Variants in PDZD2 observed in about 807,000 individuals in gnomAD.
PDZD2 encodes PDZ domain containing 2, also known as PDZ domain-containing protein 2.
A neutral mutation model predicts 220.7 loss-of-function variants in PDZD2; 90 were observed. That is an observed-to-expected ratio of 0.41 (90% CI 0.34 to 0.49). PDZD2 has a LOEUF of 0.49. PDZD2 is among the 20% of genes least tolerant of loss of function. PDZD2 has a pLI of 0.28. For synonymous variants in PDZD2, 1,375 were observed against 1,450.5 expected (o/e 0.95, Z 1.18); for missense variants, 3,174 against 3,608.5 (o/e 0.88, Z 3.08).
chr5:31,807,714 C>G (rs564137487), intron 2 of PDZD2, among the ~76,000 whole-genome samples: 2 of 152,232 alleles, frequency 1.3e-5, no homozygotes, highest in East Asian at 3.9e-4. Context: ...GGTCCCGGAG[C>G]CTGCAGGGCC....
chr5:32,006,353 A>AT (rs71912250), intron 5 of PDZD2, among the ~76,000 whole-genome samples: 85,285 of 134,130 alleles, frequency 0.64, 30,453 homozygotes, highest in Non-Finnish European at 0.8. Flanking sequence ...AGGAAGTACA[A>AT]TTTTTTTTTT....
chr5:31,995,365 A>G (rs1284671635), intron 3 of PDZD2, among the ~76,000 whole-genome samples: 2 of 152,230 alleles, frequency 1.3e-5, no homozygotes, highest in Non-Finnish European at 2.9e-5. Context: ...GCTCAAATAT[A>G]GAACATTTCC....
intron 1 of PDZD2, among the ~76,000 whole-genome samples, chr5:31,722,844 A>G (rs1332816686): frequency 6.6e-6 from 1 of 152,054 alleles, no homozygotes; most frequent in Non-Finnish European, 1.5e-5. Flanking sequence ...GCCCACCACC[A>G]CACCTGGCTA....
At chr5:31,857,866 A>C (rs545992030) in intron 2 of PDZD2, among the ~76,000 whole-genome samples, 1 of 152,020 alleles carries the variant, frequency 6.6e-6, no homozygotes, top group Non-Finnish European at 1.5e-5. Flanking sequence ...TCTCGTTGTC[A>C]CCCAGGCTGG....
At chr5:31,839,348 G>T (rs1398558847) in intron 2 of PDZD2, among the ~76,000 whole-genome samples, 7 of 152,036 alleles carry the variant, frequency 4.6e-5, no homozygotes, top group Non-Finnish European at 1.0e-4. Flanking sequence ...AAAGGAGTTT[G>T]CACATAAGTT....
At chr5:31,825,994 C>T (rs372553265) in intron 2 of PDZD2, among the ~76,000 whole-genome samples, 1 of 151,886 alleles carries the variant, frequency 6.6e-6, no homozygotes, top group East Asian at 1.9e-4. Context: ...GCTCCTGATG[C>T]GAACCAGTTC....
At chr5:31,736,205 A>G (rs879428246) in intron 1 of PDZD2, among the ~76,000 whole-genome samples, 6 of 152,254 alleles carry the variant, frequency 3.9e-5, no homozygotes, top group Admixed American at 3.3e-4. Flanking sequence ...AACATAAAAA[A>G]GAATATCATT....
intron 1 of PDZD2, among the ~76,000 whole-genome samples, chr5:31,723,907 C>G (rs370975140): frequency 6.6e-6 from 1 of 151,988 alleles, no homozygotes; most frequent in East Asian, 1.9e-4. Flanking sequence ...TGTTAGCCAC[C>G]GTGCCCAGCC....
At chr5:31,756,712 G>A (rs758276386) in intron 1 of PDZD2, among the ~76,000 whole-genome samples, 4 of 152,338 alleles carry the variant, frequency 2.6e-5, no homozygotes, top group South Asian at 2.1e-4. Flanking sequence ...TGGTCTGGGC[G>A]ACACTGTGCT....
intron 2 of PDZD2, among the ~76,000 whole-genome samples, chr5:31,937,291 T>A (rs186761054): frequency 2.0e-5 from 3 of 152,222 alleles, no homozygotes; most frequent in African/African-American, 7.2e-5. Context: ...TGGGCTAACA[T>A]GGAGGAGGTT....
intron 1 of PDZD2, among the ~76,000 whole-genome samples, chr5:31,707,534 A>G (rs1199238642): frequency 6.6e-6 from 1 of 152,168 alleles, no homozygotes; most frequent in Non-Finnish European, 1.5e-5. Context: ...AATTTCTGCA[A>G]CAAGTCACCC....
At chr5:31,691,400 T>A (rs1478241608) in intron 1 of PDZD2, among the ~76,000 whole-genome samples, 1 of 136,728 alleles carries the variant, frequency 7.3e-6, no homozygotes, top group East Asian at 1.9e-4. Flanking sequence ...AGAACAAAGC[T>A]CCCGTAGAGT....
chr5:31,845,174 G>A (rs1409122305), intron 2 of PDZD2, among the ~76,000 whole-genome samples: 1 of 152,174 alleles, frequency 6.6e-6, no homozygotes, highest in African/African-American at 2.4e-5. Flanking sequence ...GGGGAAGGGT[G>A]TGTAAAATAC....
intron 21 of PDZD2, among the ~76,000 whole-genome samples, 153 bp downstream of exon 21, chr5:32,093,177 T>TTGGCCTCACGTGC (rs1249737750): frequency 1.1e-4 from 17 of 152,292 alleles, no homozygotes; most frequent in African/African-American, 4.1e-4. Flanking sequence ...CAGTCTGACT[T>TTGGCCTCACGTGC]TGGCCTCACG....
chr5:31,881,324 ATATGTGTG>A (rs1251226831), intron 2 of PDZD2, among the ~76,000 whole-genome samples: 31 of 118,556 alleles, frequency 2.6e-4, no homozygotes, highest in African/African-American at 4.3e-4. Flanking sequence ...ATTTCCATAT[ATATGTGTG>A]TGTGTGTGTG....
At chr5:31,714,923 G>A (rs1580608688) in intron 1 of PDZD2, among the ~76,000 whole-genome samples, 1 of 152,120 alleles carries the variant, frequency 6.6e-6, no homozygotes, top group East Asian at 1.9e-4. Context: ...GCCAGGAGTG[G>A]TGGTGGGCGC....
At chr5:32,096,522 T>A (rs567733360) in intron 21 of PDZD2, among the ~76,000 whole-genome samples, 146 of 152,320 alleles carry the variant, frequency 9.6e-4, no homozygotes, top group African/African-American at 3.5e-3. Context: ...TTTCGCCATG[T>A]TGACTAGGCT....
At chr5:32,080,503 G>C (rs577778056) in intron 19 of PDZD2, among the ~76,000 whole-genome samples, 2 of 152,148 alleles carry the variant, frequency 1.3e-5, no homozygotes, top group South Asian at 2.1e-4. Context: ...TCTACATAAT[G>C]GTCCTCTGGA....
intron 2 of PDZD2, among the ~76,000 whole-genome samples, chr5:31,899,973 C>T (rs1463155109): frequency 6.6e-6 from 1 of 152,178 alleles, no homozygotes; most frequent in African/African-American, 2.4e-5. Flanking sequence ...GTTACGGCAG[C>T]TTGAACAGAC....
Sources: allele counts gnomAD v4.1 joint callset (sites outside exome capture counted in the v4.1 genomes callset), GRCh38; gene constraint gnomAD v4.1.1; transcripts MANE v1.5; gene names NCBI Gene and HGNC (gene_info 2026-07-23, HGNC 2026-07-21).